GRM8: variants seen among roughly 807,000 people sequenced by gnomAD.
GRM8 encodes metabotropic glutamate receptor 8.
In GRM8, 47 loss-of-function variants were observed where a neutral mutation model predicts 87.2. The observed-to-expected ratio is 0.54, with a 90% CI of 0.43 to 0.69. The LOEUF is 0.69. Ranked by LOEUF, GRM8 falls within the 30% of genes least tolerant of loss-of-function variation. GRM8 has a pLI of 0.00. For missense variants in GRM8, 1,019 were observed against 1,139.2 expected (o/e 0.89, Z 1.52); for synonymous variants, 396 against 404.5 (o/e 0.98, Z 0.25).
chr7:126,547,762 T>C (rs905511733), intron 8 of GRM8, among the ~76,000 whole-genome samples: 1 of 152,038 alleles, frequency 6.6e-6, no homozygotes, highest in African/African-American at 2.4e-5. Flanking sequence ...TATGAAATTC[T>C]AGATTAAAAC....
intron 2 of GRM8, among the ~76,000 whole-genome samples, chr7:127,155,850 G>T (rs1278583848): frequency 6.6e-6 from 1 of 152,078 alleles, no homozygotes. Context: ...AATGTCTCTA[G>T]GGACCTGTGC....
intron 2 of GRM8, among the ~76,000 whole-genome samples, chr7:127,139,251 G>A (rs1828120368): frequency 6.6e-6 from 1 of 152,132 alleles, no homozygotes; most frequent in Admixed American, 6.5e-5. Context: ...TACATTAAGT[G>A]TGACAGTATC....
chr7:126,751,346 T>C (rs997981559), intron 7 of GRM8, among the ~76,000 whole-genome samples: 1 of 152,136 alleles, frequency 6.6e-6, no homozygotes, highest in Non-Finnish European at 1.5e-5. Flanking sequence ...TGTATTACAA[T>C]GGAGAGAACA....
At chr7:126,984,673 T>C (rs1354226185) in intron 3 of GRM8, among the ~76,000 whole-genome samples, 1 of 152,078 alleles carries the variant, frequency 6.6e-6, no homozygotes, top group Non-Finnish European at 1.5e-5. Flanking sequence ...TATATAGATA[T>C]AAATATGTCC....
At chr7:127,184,808 C>G in intron 2 of GRM8, among the ~76,000 whole-genome samples, 1 of 151,748 alleles carries the variant, frequency 6.6e-6, no homozygotes. Context: ...GGTTAATATA[C>G]AAAAGTCAAT....
intron 7 of GRM8, among the ~76,000 whole-genome samples, chr7:126,684,971 C>T (rs566057303): frequency 6.6e-6 from 1 of 152,172 alleles, no homozygotes; most frequent in Non-Finnish European, 1.5e-5. Flanking sequence ...GCCATTACAC[C>T]TGCTACAGCA....
intron 7 of GRM8, among the ~76,000 whole-genome samples, chr7:126,722,019 T>G (rs908629227): frequency 1.3e-5 from 2 of 152,176 alleles, no homozygotes; most frequent in Non-Finnish European, 2.9e-5. Flanking sequence ...CTAATTTATA[T>G]GCATGTTTCT....
At chr7:126,550,298 A>G (rs987357925) in intron 8 of GRM8, among the ~76,000 whole-genome samples, 11 of 151,942 alleles carry the variant, frequency 7.2e-5, no homozygotes, top group Admixed American at 6.6e-4. Context: ...TATTTTTAGT[A>G]GAGATGGGTC....
At chr7:127,237,868 C>T (rs1348336921) in intron 2 of GRM8, among the ~76,000 whole-genome samples, 1 of 152,190 alleles carries the variant, frequency 6.6e-6, no homozygotes, top group Non-Finnish European at 1.5e-5. Flanking sequence ...CTATTTTTAA[C>T]TTAGAATATT....
At chr7:126,756,683 A>G (rs1817040983) in intron 7 of GRM8, among the ~76,000 whole-genome samples, 1 of 152,116 alleles carries the variant, frequency 6.6e-6, no homozygotes, top group Admixed American at 6.6e-5. Context: ...GTATAATTCC[A>G]ACTATAAGAC....
At chr7:126,850,208 T>C (rs1037890338) in intron 6 of GRM8, among the ~76,000 whole-genome samples, 5 of 152,054 alleles carry the variant, frequency 3.3e-5, no homozygotes, top group African/African-American at 1.2e-4. Context: ...TCTAAAGCAA[T>C]TGATGCAGTT....
At chr7:126,673,033 G>A (rs1321023010) in intron 7 of GRM8, among the ~76,000 whole-genome samples, 3 of 152,164 alleles carry the variant, frequency 2.0e-5, no homozygotes, top group Non-Finnish European at 4.4e-5. Context: ...GGGAGGGGGT[G>A]CCTGGAGAAA....
chr7:126,578,794 G>A (rs1418961946), intron 8 of GRM8, among the ~76,000 whole-genome samples: 3 of 151,980 alleles, frequency 2.0e-5, no homozygotes, highest in Non-Finnish European at 4.4e-5. Context: ...AATTTTAGTA[G>A]TATTTTACAT....
In GRM8 at chr7:126,594,774, T is replaced by C. The variant is rs184228649; in HGVS notation, c.1494+14588A>G. Among the ~76,000 whole-genome samples, 71 of 152,330 alleles carry C rather than the reference T, an allele frequency of 4.7e-4. 1 individual carries two copies. Among genetic ancestry groups the C allele is most frequent in the Middle Eastern group, 6.8e-3 (2 of 294 alleles). On this transcript the variant is annotated intron_variant, in intron 8 of 10. Coordinates refer to ENST00000339582, the MANE Select transcript of GRM8 (RefSeq NM_000845.3). ...TATGTGAGGTAATGCTTATGTTAGCTAGATTTAAGCATTCCACAACGTATA... is the reference window on the plus strand; with the variant it reads ...TATGTGAGGTAATGCTTATGTTAGCCAGATTTAAGCATTCCACAACGTATA...
At chr7:127,211,597 C>A (rs17867794) in intron 2 of GRM8, among the ~76,000 whole-genome samples, 1 of 152,110 alleles carries the variant, frequency 6.6e-6, no homozygotes, top group Non-Finnish European at 1.5e-5. Context: ...CAGAACTTAA[C>A]CCCCAGGGTG....
chr7:126,834,768 G>T (rs966949719), intron 6 of GRM8, among the ~76,000 whole-genome samples: 1 of 152,070 alleles, frequency 6.6e-6, no homozygotes, highest in African/African-American at 2.4e-5. Context: ...TTTTAAAAAC[G>T]ATTATTGTTT....
chr7:126,711,865 G>C (rs189776344), intron 7 of GRM8, among the ~76,000 whole-genome samples: 7 of 152,294 alleles, frequency 4.6e-5, no homozygotes, highest in Admixed American at 3.9e-4. Context: ...TCATAGAATT[G>C]AAGAGAGCAG....
intron 6 of GRM8, among the ~76,000 whole-genome samples, chr7:126,842,861 C>T (rs1196099039): frequency 6.6e-6 from 1 of 152,120 alleles, no homozygotes; most frequent in Non-Finnish European, 1.5e-5. Flanking sequence ...CCAGAGAGAC[C>T]CATTTCAAAC....
rs1261920511 is a variant in GRM8 at position 126,903,789 on chromosome 7, A to G, written c.1018+183T>C. Among the ~76,000 whole-genome samples the G allele has an allele frequency of 4.8e-5, 7 of 147,108 alleles. No individual in the cohort carries two copies. In the East Asian group the frequency reaches 9.8e-4, roughly 21 times the overall value. ...TATGTGTGTGTGTATATATATATAT[A>G]TATATATATATATGCATATGCATGC... On this transcript the variant is annotated intron_variant, in intron 5 of 10. Coordinates refer to ENST00000339582, the MANE Select transcript of GRM8 (RefSeq NM_000845.3).
Sources: gnomAD v4.1 joint callset for allele counts (sites outside exome capture counted in the v4.1 genomes callset) on GRCh38, gnomAD v4.1.1 for gene constraint, MANE v1.5 for transcripts, NCBI Gene and HGNC (gene_info 2026-07-23, HGNC 2026-07-21) for gene names.